Variants in SLC17A5 observed in about 807,000 individuals in gnomAD.
SLC17A5 encodes the protein sialin.
SLC17A5 carries 47 observed loss-of-function variants against 59.4 expected under a neutral mutation model. That is an observed-to-expected ratio of 0.79 (90% CI 0.63 to 1.01). The LOEUF (loss-of-function observed/expected upper bound fraction) is 1.01, where lower values mean the gene tolerates loss of function less well. SLC17A5 is among the 50% of genes least tolerant of loss of function. The pLI is 0.00. For synonymous variants in SLC17A5, 202 were observed against 210.7 expected (o/e 0.96, Z 0.36); for missense variants, 522 against 595.5 (o/e 0.88, Z 1.28).
chr6:73,597,705 AGCCT>A (rs1479071623), intron 10 of SLC17A5, among the ~76,000 whole-genome samples: 1 of 151,252 alleles, frequency 6.6e-6, no homozygotes, highest in Non-Finnish European at 1.5e-5. Context: ...AGATCACCTG[AGCCT>A]GGGGAGGTTG....
At chr6:73,641,657 G>A in intron 3 of SLC17A5, 34 bp downstream of exon 3, 2 of 1,452,838 alleles carry the variant, frequency 1.4e-6, no homozygotes, top group Non-Finnish European at 1.9e-6. Context: ...GAGACACACG[G>A]TAAGAAGTAA....
intron 1 of SLC17A5, among the ~76,000 whole-genome samples, chr6:73,645,785 G>T (rs1309139962): frequency 1.0e-5 from 1 of 99,742 alleles, no homozygotes; most frequent in Non-Finnish European, 1.8e-5. Flanking sequence ...CAGAGACTCC[G>T]TCTCAAAAAA....
At chr6:73,638,348 C>T in intron 4 of SLC17A5, 64 bp downstream of exon 4, 2 of 1,227,744 alleles carry the variant, frequency 1.6e-6, no homozygotes, top group Non-Finnish European at 2.4e-6. Flanking sequence ...TATGCAGGCC[C>T]TTTTTCCCAA....
intron 4 of SLC17A5, among the ~76,000 whole-genome samples, chr6:73,637,060 T>A (rs1338184964): frequency 6.7e-6 from 1 of 148,818 alleles, no homozygotes; most frequent in East Asian, 2.0e-4. Context: ...CCTTCCAGCC[T>A]GGAGTGAGAC....
intron 7 of SLC17A5, among the ~76,000 whole-genome samples, chr6:73,619,396 G>C (rs1768031706): frequency 6.6e-6 from 1 of 151,996 alleles, no homozygotes; most frequent in Admixed American, 6.6e-5. Context: ...TTGAACAAAG[G>C]CCATCTGATG....
chr6:73,640,316 A>G (rs1769222195), intron 3 of SLC17A5, among the ~76,000 whole-genome samples: 1 of 152,260 alleles, frequency 6.6e-6, no homozygotes, highest in Non-Finnish European at 1.5e-5. Context: ...ACCTCTACTG[A>G]TAAGAACAAA....
chr6:73,614,878 CATAAA>C (rs549193241), intron 8 of SLC17A5, among the ~76,000 whole-genome samples: 2 of 152,116 alleles, frequency 1.3e-5, no homozygotes, highest in African/African-American at 4.8e-5. Flanking sequence ...AGTGGGTAAA[CATAAA>C]ATAAAGTGTT....
intron 6 of SLC17A5, among the ~76,000 whole-genome samples, chr6:73,634,179 T>C (rs1768894480): frequency 6.6e-6 from 1 of 152,276 alleles, no homozygotes; most frequent in African/African-American, 2.4e-5. Context: ...TAATAAGATA[T>C]AAACTTTTTT....
In SLC17A5 at chr6:73,641,846, T is replaced by G; in HGVS notation, c.370A>C (p.Ile124Leu). ...SFFYGYIITQ[I>L]PGGYVASKIG... ...TTGCTGGCAACATATCCTCCAGGAA[T>G]CTGTGTGATGATGTAGCCATAAAAA... is the stretch of plus-strand genomic sequence containing the variant. The change falls in exon 3 of 11, where the codon ATT (isoleucine) becomes CTT (leucine). Residue 124 changes from isoleucine to leucine, a missense_variant. Physicochemically the swap from Ile to Leu is conservative, Grantham distance 5. Around this residue, in one of 3 missense-constraint regions of SLC17A5, gnomAD observed 338 missense variants for 363.8 expected, o/e 0.93. Coordinates refer to ENST00000355773, the MANE Select transcript of SLC17A5 (RefSeq NM_012434.5). The G allele has an allele frequency of 6.2e-7, 1 of 1,614,166 alleles. No individual in the cohort carries two copies. Among genetic ancestry groups the G allele is most frequent in the African/African-American group, 1.3e-5 (1 of 75,044 alleles).
intron 1 of SLC17A5, among the ~76,000 whole-genome samples, chr6:73,648,024 A>G (rs1769667357): frequency 6.6e-6 from 1 of 152,124 alleles, no homozygotes; most frequent in Non-Finnish European, 1.5e-5. Flanking sequence ...AGCCGAGATC[A>G]CGCCATCGCA....
chr6:73,623,102 T>C (rs1768228883), intron 6 of SLC17A5, among the ~76,000 whole-genome samples: 1 of 152,152 alleles, frequency 6.6e-6, no homozygotes, highest in Non-Finnish European at 1.5e-5. Flanking sequence ...AGTGGCATGA[T>C]CTCGGCTCAC....
At chr6:73,597,562 C>T (rs144735545) in intron 10 of SLC17A5, among the ~76,000 whole-genome samples, 1 of 151,992 alleles carries the variant, frequency 6.6e-6, no homozygotes, top group South Asian at 2.1e-4. Context: ...AGGTAGGTGG[C>T]TACCTTGAGC....
At position 73,593,430 on chromosome 6, in the gene SLC17A5, C is replaced by T. The variant is rs1284268923; in HGVS notation, c.*1647G>A. The T allele has an allele frequency of 1.3e-5, 2 of 152,216 alleles. No homozygotes were observed. Among genetic ancestry groups the T allele is most frequent in the Admixed American group, 1.3e-4 (2 of 15,278 alleles). 9.4% of individuals were successfully genotyped at this position (152,216 alleles called of 1,614,324 possible). A position where few individuals can be genotyped will look rare whatever the true frequency, so the allele number is the denominator to read the frequency against. ...ATTTATAAAAGAAACATTGCCATAG[C>T]AATTTAAAGCTATTTACAAATTTAA... is the stretch of plus-strand genomic sequence containing the variant. On this transcript the variant is annotated 3_prime_UTR_variant, in exon 11 of 11. Transcript: ENST00000355773.
intron 2 of SLC17A5, among the ~76,000 whole-genome samples, chr6:73,643,284 C>A (rs1769374448): frequency 6.7e-6 from 1 of 149,722 alleles, no homozygotes; most frequent in Non-Finnish European, 1.5e-5. Flanking sequence ...CTTCAGCCTC[C>A]CGAGTAGCTG....
At chr6:73,609,029 T>C (rs1476094372) in intron 9 of SLC17A5, among the ~76,000 whole-genome samples, 2 of 152,086 alleles carry the variant, frequency 1.3e-5, no homozygotes, top group African/African-American at 4.8e-5. Flanking sequence ...AGAGTATTTA[T>C]TGAAGAGATA....
At chr6:73,606,187 C>T (rs971638939) in intron 9 of SLC17A5, among the ~76,000 whole-genome samples, 11 of 151,876 alleles carry the variant, frequency 7.2e-5, no homozygotes, top group East Asian at 3.9e-4. Context: ...GGATTATAGT[C>T]GCCCGCCACC....
intron 7 of SLC17A5, among the ~76,000 whole-genome samples, chr6:73,616,138 C>G (rs1327115084): frequency 6.6e-6 from 1 of 152,040 alleles, no homozygotes; most frequent in African/African-American, 2.4e-5. Flanking sequence ...CCCACCTTGG[C>G]CTCCCAAAGT....
intron 8 of SLC17A5, among the ~76,000 whole-genome samples, chr6:73,612,205 C>T (rs1767665592): frequency 6.6e-6 from 1 of 151,686 alleles, no homozygotes; most frequent in African/African-American, 2.4e-5. Flanking sequence ...TCTTTTTGCC[C>T]AGACTGGAGT....
intron 9 of SLC17A5, among the ~76,000 whole-genome samples, chr6:73,602,056 A>T (rs934915253): frequency 6.6e-6 from 1 of 151,940 alleles, no homozygotes; most frequent in Non-Finnish European, 1.5e-5. Flanking sequence ...GTGTAGAAAG[A>T]AGTAGACATG....
Sources: allele counts gnomAD v4.1 joint callset (sites outside exome capture counted in the v4.1 genomes callset), GRCh38; gene constraint gnomAD v4.1.1; regional missense constraint gnomAD v4.1.1; transcripts MANE v1.5; gene names NCBI Gene and HGNC (gene_info 2026-07-23, HGNC 2026-07-21).